The following ANKFN1 variants were observed in gnomAD, a reference collection of about 807,000 sequenced individuals.
The protein encoded by ANKFN1 is ankyrin repeat and fibronectin type III domain containing 1.
A neutral mutation model predicts 108.7 loss-of-function variants in ANKFN1; 74 were observed. That is an observed-to-expected ratio of 0.68 (90% CI 0.56 to 0.83). The LOEUF is 0.83. Ranked by LOEUF, ANKFN1 falls within the 40% of genes least tolerant of loss-of-function variation. ANKFN1 has a pLI of 0.00. For synonymous variants in ANKFN1, 547 were observed against 516.2 expected (o/e 1.06, Z -0.81); for missense variants, 1,505 against 1,382.3 (o/e 1.09, Z -1.41).
intron 6 of ANKFN1, among the ~76,000 whole-genome samples, chr17:56,367,554 A>G (rs2046694049): frequency 6.6e-6 from 1 of 152,198 alleles, no homozygotes; most frequent in African/African-American, 2.4e-5. Context: ...CCACAATAGC[A>G]CAGAGCCTGT....
chr17:56,053,388 A>G (rs13341531), intron 4 of ANKFN1, among the ~76,000 whole-genome samples: 18,112 of 152,118 alleles, frequency 0.12, 1,251 homozygotes, highest in African/African-American at 0.19. Flanking sequence ...ACAAGTGTAA[A>G]TGAGAGCATA....
At chr17:56,258,149 A>G (rs1468077102) in intron 3 of ANKFN1, 1 of 152,214 alleles carries the variant, frequency 6.6e-6, no homozygotes, top group Non-Finnish European at 1.5e-5. Context: ...TGATGATTTT[A>G]TTAAAGTGAT....
At chr17:56,277,543 C>A (rs1452998474) in intron 3 of ANKFN1, among the ~76,000 whole-genome samples, 1 of 152,042 alleles carries the variant, frequency 6.6e-6, no homozygotes, top group Admixed American at 6.6e-5. Flanking sequence ...CCTCACAGTA[C>A]ACCTGAGAAG....
chr17:56,386,580 G>GTT (rs57390170), intron 8 of ANKFN1, among the ~76,000 whole-genome samples: 16 of 109,980 alleles, frequency 1.5e-4, no homozygotes, highest in African/African-American at 3.1e-4. Context: ...CATCTCATGA[G>GTT]TTTTTTTTTT....
chr17:56,354,194 C>A, intron 6 of ANKFN1, 148 bp downstream of exon 6: 1 of 737,110 alleles, frequency 1.4e-6, no homozygotes, highest in Non-Finnish European at 2.2e-6. Flanking sequence ...GGCTTTCATG[C>A]AAATAGTGAC....
chr17:56,339,060 T>C (rs2045892708), intron 4 of ANKFN1, among the ~76,000 whole-genome samples: 1 of 152,160 alleles, frequency 6.6e-6, no homozygotes, highest in South Asian at 2.1e-4. Context: ...TTTTTCTTAA[T>C]TTATTTCAAT....
intron 3 of ANKFN1, chr17:56,228,214 A>T (rs1284545248): frequency 2.5e-6 from 1 of 400,262 alleles, no homozygotes; most frequent in African/African-American, 2.1e-5. Flanking sequence ...GAGTAAAAAA[A>T]TAGGCAATAT....
chr17:56,393,630 G>T (rs2047499577), intron 8 of ANKFN1, among the ~76,000 whole-genome samples: 1 of 152,192 alleles, frequency 6.6e-6, no homozygotes, highest in South Asian at 2.1e-4. Context: ...CATAAGAATA[G>T]GTATTATTTG....
At chr17:56,374,863 C>T (rs948928804) in intron 8 of ANKFN1, 149 bp downstream of exon 8, 7 of 636,554 alleles carry the variant, frequency 1.1e-5, no homozygotes, top group Admixed American at 8.9e-5. Flanking sequence ...TTTCCATAGG[C>T]ACTCATGTAA....
Position 56,480,833 on chromosome 17 carries a change from C to G in ANKFN1, c.2091+15C>G. 6.2e-7 allele frequency: 1 copy of G among 1,609,410 alleles called. No individual in the cohort carries two copies. On this transcript the variant is annotated intron_variant, in intron 17 of 20. Coordinates refer to ENST00000682825, the MANE Select transcript of ANKFN1 (RefSeq NM_001370326.1). ...CTCTACACCAGGTACTAGACTTTAC[C>G]ATTTTTATCTTCTTTTTTTATGGCT...
At chr17:56,148,559 G>A (rs936710345), upstream of ANKFN1, among the ~76,000 whole-genome samples, 2 of 152,184 alleles carry the variant, frequency 1.3e-5, no homozygotes, top group African/African-American at 4.8e-5. Context: ...TTTACAAGGG[G>A]ACCTGCAGGG....
At chr17:56,488,218 A>C (rs1486819300) in intron 18 of ANKFN1, among the ~76,000 whole-genome samples, 5 of 152,170 alleles carry the variant, frequency 3.3e-5, no homozygotes, top group Non-Finnish European at 7.4e-5. Flanking sequence ...AGACTACCTC[A>C]TGGGTCCACC....
At chr17:56,380,727 CG>C (rs1331882606) in intron 8 of ANKFN1, among the ~76,000 whole-genome samples, 1 of 152,038 alleles carries the variant, frequency 6.6e-6, no homozygotes, top group Non-Finnish European at 1.5e-5. Context: ...GCAGCGAGGC[CG>C]GGGGAGGGGC....
At chr17:56,349,353 C>T (rs1326231646) in intron 4 of ANKFN1, among the ~76,000 whole-genome samples, 1 of 151,570 alleles carries the variant, frequency 6.6e-6, no homozygotes, top group Non-Finnish European at 1.5e-5. Context: ...ATGTAACAAA[C>T]CTACACATCC....
At chr17:56,149,073 T>C (rs1194894379), upstream of ANKFN1, among the ~76,000 whole-genome samples, 1 of 152,206 alleles carries the variant, frequency 6.6e-6, no homozygotes, top group Non-Finnish European at 1.5e-5. Context: ...TTCCAAAATA[T>C]ATTCTCTTTC....
intron 11 of ANKFN1, among the ~76,000 whole-genome samples, chr17:56,450,674 C>T (rs1598630277): frequency 6.6e-6 from 1 of 152,194 alleles, no homozygotes; most frequent in East Asian, 1.9e-4. Context: ...CTTTCCATCA[C>T]ATCCCTGCCC....
At chr17:56,192,953 A>G (rs949822470) in intron 1 of ANKFN1, among the ~76,000 whole-genome samples, 66 of 142,424 alleles carry the variant, frequency 4.6e-4, no homozygotes, top group African/African-American at 1.7e-3. Flanking sequence ...ACATGCACAC[A>G]TATGTTTATT....
At chr17:56,281,517 G>T (rs143380806) in intron 3 of ANKFN1, among the ~76,000 whole-genome samples, 1 of 152,098 alleles carries the variant, frequency 6.6e-6, no homozygotes, top group East Asian at 1.9e-4. Context: ...CATTAAAAAA[G>T]TACTTCATCT....
intron 6 of ANKFN1, among the ~76,000 whole-genome samples, chr17:56,367,790 A>T (rs938755306): frequency 2.2e-4 from 33 of 152,318 alleles, no homozygotes; most frequent in African/African-American, 7.2e-4. Context: ...GAAAAAGAGA[A>T]GTGGATGGGC....
Sources: allele counts gnomAD v4.1 joint callset (sites outside exome capture counted in the v4.1 genomes callset), GRCh38; gene constraint gnomAD v4.1.1; transcripts MANE v1.5; gene names NCBI Gene and HGNC (gene_info 2026-07-23, HGNC 2026-07-21).